The following THSD7A variants were observed in gnomAD, a reference collection of about 807,000 sequenced individuals.
The protein encoded by THSD7A is thrombospondin type 1 domain containing 7A.
In THSD7A, 96 loss-of-function variants were observed where a neutral mutation model predicts 231.3. That is an observed-to-expected ratio of 0.41 (90% confidence interval 0.35 to 0.49). The LOEUF (loss-of-function observed/expected upper bound fraction) is 0.49, where lower values mean the gene tolerates loss of function less well. Ranked by LOEUF, THSD7A falls within the 20% of genes least tolerant of loss-of-function variation. The probability of loss-of-function intolerance (pLI) is 0.05; values close to 1 mark genes in which losing one functional copy is unlikely to be tolerated. For synonymous variants in THSD7A, 940 were observed against 743.3 expected, an observed-to-expected ratio of 1.26 and a Z score of -4.30; for missense variants, 2,290 against 2,070.2, an observed-to-expected ratio of 1.11 and a Z score of -2.06.
intron 1 of THSD7A, among the ~76,000 whole-genome samples, chr7:11,656,729 T>C (rs559825060): frequency 9.2e-5 from 14 of 151,970 alleles, no homozygotes; most frequent in African/African-American, 3.4e-4. Flanking sequence ...TCATTGCCCA[T>C]CCAGCAAATC....
At position 11,379,090 on chromosome 7, in the gene THSD7A, A is replaced by G; in HGVS notation, c.4781T>C (p.Phe1594Ser). Reference sequence around the variant, plus strand: ...TTCACCTGGCCCAAATGGCTGTAGAAACCAGGTCCTTCCCCGTCCTGCTGG... The same window carrying G: ...TTCACCTGGCCCAAATGGCTGTAGAGACCAGGTCCTTCCCCGTCCTGCTGG... The part of the protein sequence containing the change: ...SNPAGRGRTW[F>S]LQPFGPDGRL... Residue 1594 changes from phenylalanine to serine, a missense_variant, in exon 26 of 28, where the codon TTT (phenylalanine) becomes TCT (serine). By Grantham distance (155) the Phe-to-Ser change is radical. Transcript: ENST00000423059. The G allele has an allele frequency of 1.9e-6, 3 of 1,613,388 alleles. No individual in the cohort carries two copies. The highest frequency in any genetic ancestry group is 2.5e-6 in the Non-Finnish European group (3 of 1,179,650).
chr7:11,540,844 A>G (rs1311600009), intron 6 of THSD7A, among the ~76,000 whole-genome samples: 2 of 152,342 alleles, frequency 1.3e-5, no homozygotes, highest in East Asian at 1.9e-4. Flanking sequence ...GCGGAAAGCC[A>G]CTATCCAGTG....
intron 16 of THSD7A, among the ~76,000 whole-genome samples, chr7:11,423,602 C>G (rs1180951176): frequency 6.6e-6 from 1 of 151,824 alleles, no homozygotes; most frequent in Non-Finnish European, 1.5e-5. Flanking sequence ...ATCTCCTGAC[C>G]TCGTGATCCA....
chr7:11,658,035 C>T (rs1477549648), intron 1 of THSD7A, among the ~76,000 whole-genome samples: 1 of 151,668 alleles, frequency 6.6e-6, no homozygotes, highest in Non-Finnish European at 1.5e-5. Context: ...GTATGCCACC[C>T]TGCTAGCTTC....
At chr7:11,470,879 T>G (rs969075524) in intron 8 of THSD7A, among the ~76,000 whole-genome samples, 8 of 151,886 alleles carry the variant, frequency 5.3e-5, no homozygotes, top group Non-Finnish European at 7.4e-5. Flanking sequence ...ATGTCTAACT[T>G]CATATAAGCT....
At chr7:11,399,385 T>TC (rs780091190) in intron 23 of THSD7A, among the ~76,000 whole-genome samples, 1 of 152,222 alleles carries the variant, frequency 6.6e-6, no homozygotes, top group Non-Finnish European at 1.5e-5. Flanking sequence ...GCTTTTTTTT[T>TC]CCTCTTCACT....
chr7:11,719,998 G>C (rs1307823682), intron 1 of THSD7A, among the ~76,000 whole-genome samples: 1 of 151,734 alleles, frequency 6.6e-6, no homozygotes, highest in African/African-American at 2.4e-5. Context: ...GTTTATCTCA[G>C]AACTAAACTT....
At chr7:11,775,403 G>A (rs1783370155) in intron 1 of THSD7A, among the ~76,000 whole-genome samples, 1 of 152,136 alleles carries the variant, frequency 6.6e-6, no homozygotes, top group South Asian at 2.1e-4. Context: ...CGCGTTCATA[G>A]CAACATTATT....
intron 2 of THSD7A, among the ~76,000 whole-genome samples, chr7:11,602,537 A>T (rs1780587753): frequency 6.6e-6 from 1 of 152,060 alleles, no homozygotes; most frequent in Admixed American, 6.6e-5. Context: ...TGTCATGTTG[A>T]GATGAAGGTA....
At chr7:11,660,728 TAAAA>T (rs1782895493) in intron 1 of THSD7A, among the ~76,000 whole-genome samples, 1 of 151,466 alleles carries the variant, frequency 6.6e-6, no homozygotes, top group Non-Finnish European at 1.5e-5. Flanking sequence ...TAGGTAAATA[TAAAA>T]ATGCAAACTT....
chr7:11,387,989 G>T (rs1398272593), intron 23 of THSD7A, among the ~76,000 whole-genome samples: 3 of 152,104 alleles, frequency 2.0e-5, no homozygotes, highest in Non-Finnish European at 4.4e-5. Context: ...TTCTGTTTAT[G>T]TGATGGATTA....
chr7:11,580,030 G>A (rs1791088083), intron 4 of THSD7A, among the ~76,000 whole-genome samples: 1 of 152,126 alleles, frequency 6.6e-6, no homozygotes, highest in Non-Finnish European at 1.5e-5. Context: ...TTTTGAATTT[G>A]GAATTTTGAA....
intron 26 of THSD7A, 157 bp downstream of exon 26, chr7:11,378,913 G>T: frequency 1.5e-6 from 1 of 668,022 alleles, no homozygotes; most frequent in Non-Finnish European, 2.5e-6. Flanking sequence ...CATAATGATA[G>T]TAAAAAATTG....
chr7:11,547,369 GA>G (rs1278756132), intron 4 of THSD7A, among the ~76,000 whole-genome samples: 2 of 152,182 alleles, frequency 1.3e-5, no homozygotes, highest in East Asian at 3.8e-4. Context: ...GTTGGATAAA[GA>G]AACAAAACCC....
intron 4 of THSD7A, among the ~76,000 whole-genome samples, chr7:11,577,868 A>C (rs1464797528): frequency 1.3e-5 from 2 of 152,064 alleles, no homozygotes; most frequent in African/African-American, 4.8e-5. Context: ...ATGGACTACT[A>C]CTTAAAATTC....
At chr7:11,594,327 C>A (rs2128342242) in intron 2 of THSD7A, among the ~76,000 whole-genome samples, 1 of 152,186 alleles carries the variant, frequency 6.6e-6, no homozygotes, top group African/African-American at 2.4e-5. Context: ...CTCTAGAGAA[C>A]CCTGACTAAG....
chr7:11,771,332 A>C (rs1783221807), intron 1 of THSD7A, among the ~76,000 whole-genome samples: 1 of 151,962 alleles, frequency 6.6e-6, no homozygotes, highest in South Asian at 2.1e-4. Context: ...TTATTAGAAA[A>C]ATATAAAAAC....
chr7:11,451,662 G>A (rs1300355758), intron 11 of THSD7A, among the ~76,000 whole-genome samples: 1 of 151,926 alleles, frequency 6.6e-6, no homozygotes, highest in Non-Finnish European at 1.5e-5. Context: ...GTTTTAAAGA[G>A]AAAAATAATA....
In THSD7A at chr7:11,430,086, G is replaced by A. The variant is rs557271777; in HGVS notation, c.3065-961C>T. On this transcript the variant is annotated intron_variant, in intron 13 of 27. Coordinates refer to ENST00000423059, the MANE Select transcript of THSD7A (RefSeq NM_015204.3). Reference sequence around the variant, plus strand: ...AATAGTCTGAATGTGGAGAGAAGGTGTTCTTGGTACAAGAAAACACTCTGC... The same window carrying A: ...AATAGTCTGAATGTGGAGAGAAGGTATTCTTGGTACAAGAAAACACTCTGC... Among the ~76,000 whole-genome samples, 3 of 152,268 alleles carry A rather than the reference G, an allele frequency of 2.0e-5. No homozygotes were observed. The South Asian group carries it at 6.2e-4, about 32-fold the overall frequency.
Sources: gnomAD v4.1 joint callset for allele counts (sites outside exome capture counted in the v4.1 genomes callset) on GRCh38, gnomAD v4.1.1 for gene constraint, MANE v1.5 for transcripts, NCBI Gene and HGNC (gene_info 2026-07-23, HGNC 2026-07-21) for gene names.